PKNOX2: variants seen among roughly 807,000 people sequenced by gnomAD.
PKNOX2 encodes the protein PBX/knotted 1 homeobox 2.
In PKNOX2, 14 loss-of-function variants were observed where a neutral mutation model predicts 53.1. That is an observed-to-expected ratio of 0.26 (90% CI 0.17 to 0.41). The LOEUF (loss-of-function observed/expected upper bound fraction) is 0.41, where lower values mean the gene tolerates loss of function less well. Among genes scored for constraint, PKNOX2 ranks in the 10% least tolerant of loss-of-function variants. The pLI, the probability that PKNOX2 is intolerant of heterozygous loss-of-function variation, is 1.00. For missense variants in PKNOX2, 496 were observed against 602.8 expected (o/e 0.82, Z 1.85); for synonymous variants, 257 against 242.8 (o/e 1.06, Z -0.54).
intron 1 of PKNOX2, among the ~76,000 whole-genome samples, chr11:125,218,412 G>T (rs564798585): frequency 4.0e-5 from 6 of 151,208 alleles, no homozygotes; most frequent in East Asian, 3.9e-4. Context: ...AGTGATGGGG[G>T]GGGGACAGGA....
In PKNOX2 at chr11:125,278,590, C is replaced by T. The variant is rs143760621; in HGVS notation, c.-130+43475C>T. 6.4e-3 allele frequency among the ~76,000 whole-genome samples: 978 copies of T among 152,252 alleles called. 5 individuals carry two copies. The highest frequency in any genetic ancestry group is 0.02 in the Middle Eastern group (6 of 294). On this transcript the variant is annotated intron_variant, in intron 2 of 12. Transcript: ENST00000298282. ...GGGCCTCGGGATGGCCGGGTCTTGG[C>T]TTGCGACGGAGATGTGGTGCCTTCA...
intron 3 of PKNOX2, among the ~76,000 whole-genome samples, chr11:125,335,696 T>C (rs923703012): frequency 1.3e-5 from 2 of 152,170 alleles, no homozygotes; most frequent in African/African-American, 2.4e-5. Context: ...TGCACACCTG[T>C]AGTTCCAGCT....
At chr11:125,343,427 C>T (rs1213012683) in intron 3 of PKNOX2, among the ~76,000 whole-genome samples, 1 of 151,720 alleles carries the variant, frequency 6.6e-6, no homozygotes, top group African/African-American at 2.4e-5. Flanking sequence ...TTTAAAGGAA[C>T]CAAAGGGGGA....
At chr11:125,298,300 T>C (rs1053837813) in intron 2 of PKNOX2, among the ~76,000 whole-genome samples, 3 of 152,092 alleles carry the variant, frequency 2.0e-5, no homozygotes, top group Non-Finnish European at 4.4e-5. Flanking sequence ...TCCCACTGAG[T>C]GACAACTTTG....
chr11:125,241,551 C>T (rs1482819032), intron 2 of PKNOX2, among the ~76,000 whole-genome samples: 2 of 152,222 alleles, frequency 1.3e-5, no homozygotes, highest in Non-Finnish European at 2.9e-5. Context: ...AGGCACCCTA[C>T]AAGACTGATT....
At chr11:125,346,301 C>A (rs987690544) in intron 3 of PKNOX2, among the ~76,000 whole-genome samples, 2 of 152,108 alleles carry the variant, frequency 1.3e-5, no homozygotes, top group Non-Finnish European at 2.9e-5. Context: ...GAAGAGAAGT[C>A]CGGTGCTGGC....
intron 5 of PKNOX2, among the ~76,000 whole-genome samples, chr11:125,380,345 G>T (rs558882395): frequency 6.6e-6 from 1 of 152,170 alleles, no homozygotes; most frequent in Non-Finnish European, 1.5e-5. Flanking sequence ...CACTGAATTA[G>T]TGCAGAGAGA....
At chr11:125,423,061 CAT>C (rs1555174691) in intron 10 of PKNOX2, among the ~76,000 whole-genome samples, 16 of 151,814 alleles carry the variant, frequency 1.1e-4, no homozygotes, top group African/African-American at 2.7e-4. Flanking sequence ...CACACACACA[CAT>C]ATGTATACAC....
rs547602718 is a variant in PKNOX2, at chr11:125,371,782, G to C, written c.227+3797G>C. Among the ~76,000 whole-genome samples, 6 of 152,284 alleles carry C rather than the reference G, an allele frequency of 3.9e-5. No individual in the cohort carries two copies. The South Asian group carries it at 1.2e-3, about 32-fold the overall frequency. ...TGTTGCCCATTACTGATAAGGAAAAGCTGGGCTGGAGGCATGAGCAGTGAG... is the reference window on the plus strand; with the variant it reads ...TGTTGCCCATTACTGATAAGGAAAACCTGGGCTGGAGGCATGAGCAGTGAG... On this transcript the variant is annotated intron_variant, in intron 5 of 12. Transcript: ENST00000298282.
intron 6 of PKNOX2, among the ~76,000 whole-genome samples, chr11:125,397,612 C>G (rs966335648): frequency 6.6e-6 from 1 of 152,212 alleles, no homozygotes; most frequent in Non-Finnish European, 1.5e-5. Context: ...CAGAATACCA[C>G]AACTGCCTCA....
chr11:125,179,344 A>C (rs1420436981), intron 1 of PKNOX2, among the ~76,000 whole-genome samples: 1 of 152,178 alleles, frequency 6.6e-6, no homozygotes, highest in African/African-American at 2.4e-5. Flanking sequence ...TGAGGAGAAG[A>C]GCCTAACACT....
At chr11:125,244,509 G>A (rs1565478060) in intron 2 of PKNOX2, among the ~76,000 whole-genome samples, 1 of 152,184 alleles carries the variant, frequency 6.6e-6, no homozygotes, top group Non-Finnish European at 1.5e-5. Flanking sequence ...CCTTCCCCCT[G>A]AGTTGGAGGC....
At chr11:125,263,477 G>A (rs946012571) in intron 2 of PKNOX2, among the ~76,000 whole-genome samples, 1 of 152,256 alleles carries the variant, frequency 6.6e-6, no homozygotes, top group African/African-American at 2.4e-5. Flanking sequence ...ATCCCTGCTG[G>A]GGGAGCGTGC....
At chr11:125,299,662 T>G (rs531906625) in intron 2 of PKNOX2, among the ~76,000 whole-genome samples, 1 of 152,116 alleles carries the variant, frequency 6.6e-6, no homozygotes, top group South Asian at 2.1e-4. Context: ...TTGGGAAAAA[T>G]TAAAGGATGT....
intron 3 of PKNOX2, among the ~76,000 whole-genome samples, chr11:125,335,992 T>C (rs1203012827): frequency 2.0e-5 from 3 of 152,228 alleles, no homozygotes; most frequent in African/African-American, 7.2e-5. Flanking sequence ...CACAGTTAAA[T>C]GTTATGTTTT....
intron 2 of PKNOX2, chr11:125,239,561 C>T (rs1273054715): frequency 6.6e-6 from 1 of 152,194 alleles, no homozygotes; most frequent in African/African-American, 2.4e-5. Context: ...TTGGATCTTC[C>T]CATTACCTTT....
chr11:125,378,482 AAGC>A (rs1952976592), intron 5 of PKNOX2, among the ~76,000 whole-genome samples: 1 of 152,192 alleles, frequency 6.6e-6, no homozygotes, highest in South Asian at 2.1e-4. Context: ...CCATTGGAAG[AAGC>A]AGCAGGGGTT....
Position 125,428,473 on chromosome 11 carries a change from G to T in PKNOX2, c.937-539G>T, listed in dbSNP as rs897260948. 5.9e-5 allele frequency among the ~76,000 whole-genome samples: 9 copies of T among 152,104 alleles called. No homozygotes were observed. In the East Asian group the frequency reaches 1.2e-3, roughly 20 times the overall value. On this transcript the variant is annotated intron_variant, in intron 10 of 12. Transcript: ENST00000298282. ...ATGATGATTTTTTAATGAATAAAATGCATGAAAGCATTTTACAGGTTATAA... is the reference window on the plus strand; with the variant it reads ...ATGATGATTTTTTAATGAATAAAATTCATGAAAGCATTTTACAGGTTATAA...
intron 2 of PKNOX2, among the ~76,000 whole-genome samples, chr11:125,269,722 G>A (rs142075737): frequency 1.8e-4 from 27 of 152,308 alleles, no homozygotes; most frequent in Non-Finnish European, 3.5e-4. Context: ...TGGGGCAAGG[G>A]TGGTCCAGGT....
Sources: allele counts gnomAD v4.1 joint callset (sites outside exome capture counted in the v4.1 genomes callset), GRCh38; gene constraint gnomAD v4.1.1; transcripts MANE v1.5; gene names NCBI Gene and HGNC (gene_info 2026-07-23, HGNC 2026-07-21).